The following PAQR9 variants were observed in gnomAD, a reference collection of about 807,000 sequenced individuals.
PAQR9 encodes the protein progestin and adipoQ receptor family member 9.
Under a neutral mutation model 24.0 loss-of-function variants are expected in PAQR9, and 12 were observed. The observed-to-expected ratio is 0.50, with a 90% CI of 0.32 to 0.81. The LOEUF is 0.81. Ranked by LOEUF, PAQR9 falls within the 30% of genes least tolerant of loss-of-function variation. The probability of loss-of-function intolerance (pLI) is 0.03; values close to 1 mark genes in which losing one functional copy is unlikely to be tolerated. For synonymous variants in PAQR9, 266 were observed against 237.6 expected (o/e 1.12, Z -1.10); for missense variants, 418 against 520.8 (o/e 0.80, Z 1.92).
chr3:142,963,609 G>C lies in PAQR9; in HGVS notation c.-273C>G. 1 of 789,766 alleles carries C rather than the reference G, an allele frequency of 1.3e-6. No homozygotes were observed. Among genetic ancestry groups the C allele is most frequent in the Non-Finnish European group, 1.5e-6 (1 of 653,048 alleles). The allele number at this position is 789,766 out of a possible 1,614,324, so 48.9% of individuals were successfully genotyped here. On this transcript the variant is annotated 5_prime_UTR_variant, in exon 1 of 1. Transcript: ENST00000340634. Reference sequence around the variant, plus strand: ...CGCCAAGCCCCTGCTACCGGCGCGCGGCCGCCCGCGCTGCGGCAGCGGCGG... The same window carrying C: ...CGCCAAGCCCCTGCTACCGGCGCGCCGCCGCCCGCGCTGCGGCAGCGGCGG...
In PAQR9 at chr3:142,954,968, G is replaced by A. The variant is rs1368145486; in HGVS notation, c.*7235C>T. On this transcript the variant is annotated 3_prime_UTR_variant, in exon 1 of 1. Coordinates refer to ENST00000340634, the MANE Select transcript of PAQR9 (RefSeq NM_198504.4). ...GGTGTAGGTAAGGACTGGAGTAAGG[G>A]TAGCCTAAAAAGAATGAATCTGGCA... Among the ~76,000 whole-genome samples the A allele has an allele frequency of 6.6e-6, 1 of 152,104 alleles. No homozygotes were observed.
downstream of PAQR9, among the ~76,000 whole-genome samples, chr3:142,954,498 T>C (rs1423218367): frequency 1.3e-5 from 2 of 152,250 alleles, no homozygotes; most frequent in Non-Finnish European, 2.9e-5. Context: ...TTTATTAGTG[T>C]TATGAATATT....
At position 142,958,610 on chromosome 3, in the gene PAQR9, G is replaced by T. The variant is rs185280204; in HGVS notation, c.*3593C>A. Reference sequence around the variant, plus strand: ...GGAAAAAATGATATAAATCACCTCTGTCCCAAAATTTTGCATTCTTAGAAA... The same window carrying T: ...GGAAAAAATGATATAAATCACCTCTTTCCCAAAATTTTGCATTCTTAGAAA... On this transcript the variant is annotated 3_prime_UTR_variant, in exon 1 of 1. Transcript: ENST00000340634. Among the ~76,000 whole-genome samples the T allele has an allele frequency of 3.3e-4, 51 of 152,270 alleles. No homozygotes were observed. The highest frequency in any genetic ancestry group is 1.5e-5 in the Non-Finnish European group (1 of 68,024).
upstream of PAQR9, chr3:142,963,704 G>C: frequency 1.3e-6 from 1 of 742,930 alleles, no homozygotes; most frequent in Non-Finnish European, 1.6e-6. Flanking sequence ...TGCCTCCGCC[G>C]CCGCCGCCCC....
At chr3:142,951,463 G>A (rs568933427), downstream of PAQR9, 8 of 272,148 alleles carry the variant, frequency 2.9e-5, no homozygotes, top group South Asian at 2.7e-4. Context: ...GCCAATGATT[G>A]ATTTGGGGAA....
In PAQR9 at chr3:142,962,875, G is replaced by T; in HGVS notation, c.462C>A (p.Phe154Leu). 6.2e-7 allele frequency: 1 copy of T among 1,613,728 alleles called. No individual in the cohort carries two copies. Among genetic ancestry groups the T allele is most frequent in the Non-Finnish European group, 8.5e-7 (1 of 1,179,990 alleles). ...AGCTGATGGACGCGTAGTCCAGGTAGAAGAAGGCGGCGCGCAGACGCAGCG... is the reference window on the plus strand; with the variant it reads ...AGCTGATGGACGCGTAGTCCAGGTATAAGAAGGCGGCGCGCAGACGCAGCG... ...CLSLRLRAAFFYLDYASISYY... is the reference protein window; with the variant it reads ...CLSLRLRAAFLYLDYASISYY... Residue 154 changes from phenylalanine to leucine, a missense_variant, in exon 1 of 1, where the codon TTC (phenylalanine) becomes TTA (leucine). By Grantham distance (22) the Phe-to-Leu change is conservative (BLOSUM62 0). Coordinates refer to ENST00000340634, the MANE Select transcript of PAQR9 (RefSeq NM_198504.4).
chr3:142,962,584 G>A lies in PAQR9; in HGVS notation c.753C>T (p.Leu251=), dbSNP rs1481630435. 6.2e-7 allele frequency: 1 copy of A among 1,614,032 alleles called. No homozygotes were observed. Among genetic ancestry groups the A allele is most frequent in the African/African-American group, 1.3e-5 (1 of 75,076 alleles). ...ALRTFVFVMP[L]SMACPIMLES... ...CGAGCATAATGGGGCAGGCCATGCT[G>A]AGCGGCATGACGAAGACGAAGGTGC... The change falls in exon 1 of 1, where the codon CTC becomes CTT. Residue 251 remains leucine (L), a synonymous_variant. Transcript: ENST00000340634.
Position 142,962,400 on chromosome 3 carries a change from G to A in PAQR9, c.937C>T (p.Leu313Phe). Reference sequence around the variant, plus strand: ...CTGAGGAAGGTGAAGATGTGGAAGAGCTGGTGGCTGTGGCCGATAATGTCG... The same window carrying A: ...CTGAGGAAGGTGAAGATGTGGAAGAACTGGTGGCTGTGGCCGATAATGTCG... ...LFDIIGHSHQ[L>F]FHIFTFLSIY... The change falls in exon 1 of 1, where the codon CTC becomes TTC. Residue 313 changes from leucine to phenylalanine, a missense_variant. Physicochemically the swap from Leu to Phe is conservative, Grantham distance 22 (BLOSUM62 0). Transcript: ENST00000340634. 6.2e-7 allele frequency: 1 copy of A among 1,614,192 alleles called. No homozygotes were observed. Among genetic ancestry groups the A allele is most frequent in the Non-Finnish European group, 8.5e-7 (1 of 1,180,026 alleles).
At chr3:142,963,898 T>C (rs1934974593), upstream of PAQR9, 3 of 984,860 alleles carry the variant, frequency 3.0e-6, no homozygotes, top group African/African-American at 1.7e-5. Flanking sequence ...CCGTTAATGA[T>C]TGATGCGGGG....
At position 142,962,994 on chromosome 3, in the gene PAQR9, G is replaced by A; in HGVS notation, c.343C>T (p.His115Tyr). The A allele has an allele frequency of 1.2e-6, 2 of 1,614,136 alleles. No homozygotes were observed. The highest frequency in any genetic ancestry group is 1.7e-6 in the Non-Finnish European group (2 of 1,180,022). ...CACAACGGTAGCAGCCACGGGTGGT[G>A]GAAGGGCACGTCGCCGCCGCTCAGG... ...FFLSGGDVPFHHPWLLPLWCY... is the reference protein window; with the variant it reads ...FFLSGGDVPFYHPWLLPLWCY... The change falls in exon 1 of 1, where the codon CAC becomes TAC. Residue 115 changes from histidine to tyrosine, a missense_variant. Transcript: ENST00000340634.
rs1228788059 is a variant in PAQR9, at chr3:142,955,115, A to G, written c.*7088T>C. ...GACACATGAAGGTCTCTATTTGATC[A>G]CTGTTAACTCTTCCCTCTGCCTCTG... On this transcript the variant is annotated 3_prime_UTR_variant, in exon 1 of 1. Transcript: ENST00000340634. Among the ~76,000 whole-genome samples, 4 of 152,148 alleles carry G rather than the reference A, an allele frequency of 2.6e-5. No homozygotes were observed. The highest frequency in any genetic ancestry group is 5.9e-5 in the Non-Finnish European group (4 of 68,030).
downstream of PAQR9, chr3:142,950,504 C>T (rs762417119): frequency 1.3e-5 from 5 of 397,016 alleles, no homozygotes; most frequent in Admixed American, 6.4e-5. Context: ...AAGCTCCTTA[C>T]ATCCCATACT....
chr3:142,958,867 G>A lies in PAQR9; in HGVS notation c.*3336C>T, dbSNP rs1285878937. Among the ~76,000 whole-genome samples, 1 of 152,114 alleles carries A rather than the reference G, an allele frequency of 6.6e-6. No individual in the cohort carries two copies. Among genetic ancestry groups the A allele is most frequent in the Non-Finnish European group, 1.5e-5 (1 of 68,036 alleles). Reference sequence around the variant, plus strand: ...GGAACTCATTTCCTCTCTCTGGGAAGGTCATCCTCTTCACCTGAGCTGCAA... The same window carrying A: ...GGAACTCATTTCCTCTCTCTGGGAAAGTCATCCTCTTCACCTGAGCTGCAA... On this transcript the variant is annotated 3_prime_UTR_variant, in exon 1 of 1. Coordinates refer to ENST00000340634, the MANE Select transcript of PAQR9 (RefSeq NM_198504.4).
chr3:142,962,072 T>C lies in PAQR9; in HGVS notation c.*131A>G. 1 of 1,132,818 alleles carries C rather than the reference T, an allele frequency of 8.8e-7. No individual in the cohort carries two copies. The highest frequency in any genetic ancestry group is 1.5e-5 in the South Asian group (1 of 68,064). 70.2% of individuals were successfully genotyped at this position (1,132,818 alleles called of 1,614,324 possible). On this transcript the variant is annotated 3_prime_UTR_variant, in exon 1 of 1. Coordinates refer to ENST00000340634, the MANE Select transcript of PAQR9 (RefSeq NM_198504.4). Reference sequence around the variant, plus strand: ...GATCCCTTTGTAGCAGTGAACTTTTTCCCTATGGTTTTGCAGCACCTTCCT... The same window carrying C: ...GATCCCTTTGTAGCAGTGAACTTTTCCCCTATGGTTTTGCAGCACCTTCCT...
Position 142,960,700 on chromosome 3 carries a change from G to C in PAQR9, c.*1503C>G, listed in dbSNP as rs1934875697. The C allele has an allele frequency of 6.6e-6, 1 of 152,220 alleles. No individual in the cohort carries two copies. The highest frequency in any genetic ancestry group is 1.5e-5 in the Non-Finnish European group (1 of 68,038). 9.4% of individuals were successfully genotyped at this position (152,220 alleles called of 1,614,324 possible). A position where few individuals can be genotyped will look rare whatever the true frequency, so the allele number is the denominator to read the frequency against. On this transcript the variant is annotated 3_prime_UTR_variant, in exon 1 of 1. Coordinates refer to ENST00000340634, the MANE Select transcript of PAQR9 (RefSeq NM_198504.4). ...ATCTAGAGTGGCCATCTCAATTACA[G>C]GTTAGCATTTGTAAGAAATGTCTAA...
chr3:142,950,597 C>T (rs1276133157), downstream of PAQR9: 1 of 433,928 alleles, frequency 2.3e-6, no homozygotes, highest in Non-Finnish European at 4.6e-6. Flanking sequence ...GAAAAAGGAA[C>T]AAAAAATAAA....
rs1553826345 is a variant in PAQR9, at chr3:142,955,477, A to AAAAAAAAAAAG, written c.*6725_*6726insCTTTTTTTTTT. On this transcript the variant is annotated 3_prime_UTR_variant, in exon 1 of 1. Coordinates refer to ENST00000340634, the MANE Select transcript of PAQR9 (RefSeq NM_198504.4). ...AAAAAAAAAAAAAAAAAAAAAAAAA[A>AAAAAAAAAAAG]GCAGCCACAGAATCCTCCCCCAGCC... is the stretch of plus-strand genomic sequence containing the variant. Among the ~76,000 whole-genome samples, 1 of 108,458 alleles carries AAAAAAAAAAAG rather than the reference A, an allele frequency of 9.2e-6. No individual in the cohort carries two copies. Among genetic ancestry groups the AAAAAAAAAAAG allele is most frequent in the Non-Finnish European group, 1.9e-5 (1 of 52,048 alleles). 71.2% of individuals were successfully genotyped at this position (108,458 alleles called of 152,430 possible). A position where few individuals can be genotyped will look rare whatever the true frequency, so the allele number is the denominator to read the frequency against.
In PAQR9 at chr3:142,955,187, C is replaced by T. The variant is rs904153490; in HGVS notation, c.*7016G>A. Among the ~76,000 whole-genome samples, 11 of 152,162 alleles carry T rather than the reference C, an allele frequency of 7.2e-5. No individual in the cohort carries two copies. Among genetic ancestry groups the T allele is most frequent in the Admixed American group, 2.0e-4 (3 of 15,266 alleles). ...GCCCCTTCAAGTATAATGCCCTTTACTGCAAAAGGGGACCTGCTGGTTGTA... is the reference window on the plus strand; with the variant it reads ...GCCCCTTCAAGTATAATGCCCTTTATTGCAAAAGGGGACCTGCTGGTTGTA... On this transcript the variant is annotated 3_prime_UTR_variant, in exon 1 of 1. Transcript: ENST00000340634.
rs1934774112 is a variant in PAQR9 at position 142,955,311 on chromosome 3, A to G, written c.*6892T>C. ...ATGGTTGGAGAAGGCCTAAATACAC[A>G]TGGAATCCTTTTAGAAATCTTTTCT... On this transcript the variant is annotated 3_prime_UTR_variant, in exon 1 of 1. Coordinates refer to ENST00000340634, the MANE Select transcript of PAQR9 (RefSeq NM_198504.4). 6.6e-6 allele frequency among the ~76,000 whole-genome samples: 1 copy of G among 152,028 alleles called. No individual in the cohort carries two copies. Among genetic ancestry groups the G allele is most frequent in the Admixed American group, 6.6e-5 (1 of 15,258 alleles).
Sources: allele counts gnomAD v4.1 joint callset (sites outside exome capture counted in the v4.1 genomes callset), GRCh38; gene constraint gnomAD v4.1.1; transcripts MANE v1.5; gene names NCBI Gene and HGNC (gene_info 2026-07-23, HGNC 2026-07-21).